The following PCDH11X variants were observed in gnomAD, a reference collection of about 807,000 sequenced individuals.
The protein encoded by PCDH11X is protocadherin 11 X-linked.
In PCDH11X, 18 loss-of-function variants were observed where a neutral mutation model predicts 53.3. The ratio of observed to expected loss-of-function variants is 0.34; its 90% CI spans 0.23 to 0.50. PCDH11X has a LOEUF of 0.50. Ranked by LOEUF, PCDH11X falls within the 20% of genes least tolerant of loss-of-function variation. PCDH11X has a pLI of 0.98. For synonymous variants in PCDH11X, 279 were observed against 393.3 expected (o/e 0.71, Z 3.44); for missense variants, 570 against 1,032.4 (o/e 0.55, Z 6.14).
At chrX:92,222,807 A>G (rs1265176157) in intron 7 of PCDH11X, among the ~76,000 whole-genome samples, 2 of 111,514 alleles carry the variant, frequency 1.8e-5, no homozygotes, top group African/African-American at 6.5e-5. Flanking sequence ...CCCTTGGTCC[A>G]TTCTCAAAGA....
At chrX:92,227,149 A>G (rs1433841147) in intron 7 of PCDH11X, among the ~76,000 whole-genome samples, 1 of 111,521 alleles carries the variant, frequency 9.0e-6, no homozygotes, top group Non-Finnish European at 1.9e-5. Context: ...TAAGGAGTGC[A>G]CTTATAGTGT....
chrX:92,156,265 A>G (rs1472835525), intron 6 of PCDH11X, among the ~76,000 whole-genome samples: 1 of 109,861 alleles, frequency 9.1e-6, no homozygotes, highest in East Asian at 2.9e-4. Flanking sequence ...TTGTTCACAT[A>G]GTCTCCTTGT....
chrX:92,220,607 C>T (rs369242464), intron 7 of PCDH11X, among the ~76,000 whole-genome samples: 115 of 110,410 alleles, frequency 1.0e-3, no homozygotes, highest in African/African-American at 3.3e-3. Flanking sequence ...GGTGGGACTG[C>T]AAACTAGTTC....
At chrX:92,229,079 G>A in intron 7 of PCDH11X, among the ~76,000 whole-genome samples, 1 of 111,675 alleles carries the variant, frequency 9.0e-6, no homozygotes, top group East Asian at 2.8e-4. Context: ...ACAGACTTTA[G>A]GTACCCTAAG....
At chrX:92,125,787 A>T (rs925091263) in intron 6 of PCDH11X, among the ~76,000 whole-genome samples, 1 of 110,033 alleles carries the variant, frequency 9.1e-6, no homozygotes, top group Non-Finnish European at 1.9e-5. Context: ...TCCTAATGCT[A>T]TTCCTTCCCC....
At chrX:92,056,471 A>G (rs1307971043) in intron 6 of PCDH11X, among the ~76,000 whole-genome samples, 2 of 111,429 alleles carry the variant, frequency 1.8e-5, no homozygotes, top group East Asian at 2.8e-4. Context: ...ATTTTCTCCC[A>G]TTCTGTAGGT....
chrX:92,144,800 A>G (rs1377264802), intron 6 of PCDH11X, among the ~76,000 whole-genome samples: 1 of 110,705 alleles, frequency 9.0e-6, no homozygotes, highest in East Asian at 2.9e-4. Context: ...TAACGTTCAC[A>G]ACCATTAGAA....
intron 9 of PCDH11X, among the ~76,000 whole-genome samples, chrX:92,443,290 GTCT>G (rs1294289568): frequency 9.0e-6 from 1 of 111,365 alleles, no homozygotes; most frequent in African/African-American, 3.3e-5. Flanking sequence ...CTACCTGTAT[GTCT>G]TCTTAAGAGA....
intron 6 of PCDH11X, among the ~76,000 whole-genome samples, chrX:91,890,510 T>A (rs1940427407): frequency 9.1e-6 from 1 of 110,201 alleles, no homozygotes; most frequent in South Asian, 3.9e-4. Flanking sequence ...ATATAAAAAA[T>A]TAAATTGATT....
At chrX:91,799,993 G>A (rs1935874133) in intron 1 of PCDH11X, among the ~76,000 whole-genome samples, 1 of 112,330 alleles carries the variant, frequency 8.9e-6, no homozygotes, top group Non-Finnish European at 1.9e-5. Flanking sequence ...GGAGGCTGAG[G>A]CACAAGAATC....
At chrX:92,563,052 T>G (rs1365495886) in intron 10 of PCDH11X, among the ~76,000 whole-genome samples, 1 of 9,990 alleles carries the variant, frequency 1.0e-4, no homozygotes, top group African/African-American at 1.1e-3. Flanking sequence ...GTACCGTTTT[T>G]TTTTTTTTTT....
At chrX:92,147,806 C>CTTTTCTTT (rs1569387844) in intron 6 of PCDH11X, among the ~76,000 whole-genome samples, 1 of 65,272 alleles carries the variant, frequency 1.5e-5, no homozygotes, top group Non-Finnish European at 2.6e-5. Flanking sequence ...TTCTTTTCTT[C>CTTTTCTTT]CTTCCTTTCT....
intron 10 of PCDH11X, among the ~76,000 whole-genome samples, chrX:92,600,652 T>A (rs1926128362): frequency 9.5e-6 from 1 of 105,322 alleles, no homozygotes; most frequent in Admixed American, 1.0e-4. Flanking sequence ...GAGGTGGGAG[T>A]CCCCACACAG....
chrX:92,273,764 G>A (rs753153494), intron 8 of PCDH11X, among the ~76,000 whole-genome samples: 2 of 111,004 alleles, frequency 1.8e-5, no homozygotes, highest in African/African-American at 6.6e-5. Flanking sequence ...GCCTGGATAC[G>A]GTTTTGTATG....
intron 6 of PCDH11X, among the ~76,000 whole-genome samples, chrX:92,042,204 T>C (rs1379141689): frequency 1.8e-5 from 2 of 111,088 alleles, no homozygotes; most frequent in Non-Finnish European, 3.8e-5. Flanking sequence ...TAGCTTAAGA[T>C]ATCTTAAAAT....
chrX:92,043,274 A>G (rs1311084406), intron 6 of PCDH11X, among the ~76,000 whole-genome samples: 44 of 109,520 alleles, frequency 4.0e-4, no homozygotes, highest in Non-Finnish European at 7.0e-4. Flanking sequence ...AATTTCTGCA[A>G]TTAGTGATCT....
At chrX:92,335,807 T>G (rs2069602277) in intron 8 of PCDH11X, among the ~76,000 whole-genome samples, 1 of 111,964 alleles carries the variant, frequency 8.9e-6, no homozygotes, top group Non-Finnish European at 1.9e-5. Flanking sequence ...AATAAATACA[T>G]GTACGTGTGT....
intron 10 of PCDH11X, among the ~76,000 whole-genome samples, chrX:92,571,523 T>A (rs1477718365): frequency 9.2e-6 from 1 of 108,180 alleles, no homozygotes; most frequent in Non-Finnish European, 1.9e-5. Context: ...GTGGAGTTTG[T>A]TGGAGCATAA....
intron 9 of PCDH11X, among the ~76,000 whole-genome samples, chrX:92,429,638 G>C (rs1365705609): frequency 9.4e-6 from 1 of 105,976 alleles, no homozygotes; most frequent in Non-Finnish European, 1.9e-5. Flanking sequence ...GTGGGTGGGA[G>C]TGCTCCTATG....
Sources: gnomAD v4.1 joint callset for allele counts (sites outside exome capture counted in the v4.1 genomes callset) on GRCh38, gnomAD v4.1.1 for gene constraint, MANE v1.5 for transcripts, NCBI Gene and HGNC (gene_info 2026-07-23, HGNC 2026-07-21) for gene names.